The following IL1RAPL1 variants were observed in gnomAD, a reference collection of about 807,000 sequenced individuals.
IL1RAPL1 encodes interleukin-1 receptor accessory protein-like 1.
Under a neutral mutation model 48.4 loss-of-function variants are expected in IL1RAPL1, and 3 were observed. The observed-to-expected ratio is 0.06, with a 90% confidence interval of 0.03 to 0.16. IL1RAPL1 has a LOEUF of 0.16. Among genes scored for constraint, IL1RAPL1 ranks in the 10% least tolerant of loss-of-function variants. The pLI, the probability that IL1RAPL1 is intolerant of heterozygous loss-of-function variation, is 1.00. For missense variants in IL1RAPL1, 349 were observed against 530.6 expected, an observed-to-expected ratio of 0.66 and a Z score of 3.36; for synonymous variants, 185 against 187.7, an observed-to-expected ratio of 0.99 and a Z score of 0.12.
intron 2 of IL1RAPL1, among the ~76,000 whole-genome samples, chrX:28,988,827 G>A (rs1225345348): frequency 2.7e-5 from 3 of 111,755 alleles, no homozygotes; most frequent in Non-Finnish European, 5.6e-5. Context: ...ACACATGATT[G>A]TTGTATCATC....
intron 6 of IL1RAPL1, among the ~76,000 whole-genome samples, chrX:29,790,286 T>A (rs754604870): frequency 1.8e-5 from 2 of 111,955 alleles, no homozygotes; most frequent in South Asian, 7.5e-4. Flanking sequence ...TTTGTGTAGG[T>A]TTATGTCCTT....
At chrX:29,438,961 T>C (rs1272155530) in intron 5 of IL1RAPL1, among the ~76,000 whole-genome samples, 1 of 110,774 alleles carries the variant, frequency 9.0e-6, no homozygotes, top group Non-Finnish European at 1.9e-5. Flanking sequence ...AGTTGGTGCT[T>C]ATGAAGGGTT....
chrX:29,579,231 G>A (rs1922879380), intron 5 of IL1RAPL1, among the ~76,000 whole-genome samples: 1 of 112,009 alleles, frequency 8.9e-6, no homozygotes, highest in Admixed American at 9.5e-5. Context: ...GATGAGAGTT[G>A]CTTCAAAGCG....
At chrX:29,516,467 A>G (rs1250068146) in intron 5 of IL1RAPL1, among the ~76,000 whole-genome samples, 2 of 111,278 alleles carry the variant, frequency 1.8e-5, no homozygotes, top group African/African-American at 6.5e-5. Context: ...TTTGGAGGTC[A>G]CCACTATTCT....
At chrX:29,137,107 ACGGCTTACTGCTTACCT>A (rs1929144259) in intron 2 of IL1RAPL1, among the ~76,000 whole-genome samples, 2 of 109,488 alleles carry the variant, frequency 1.8e-5, no homozygotes, top group Non-Finnish European at 3.8e-5. Context: ...CCTATTTTAG[ACGGCTTACTGCTTACCT>A]TGGCCTCAGC....
At chrX:28,948,226 T>C (rs1421207458) in intron 2 of IL1RAPL1, among the ~76,000 whole-genome samples, 1 of 111,812 alleles carries the variant, frequency 8.9e-6, no homozygotes, top group African/African-American at 3.2e-5. Flanking sequence ...AGTTATTATG[T>C]AAAATTATTT....
At chrX:28,656,879 A>C (rs1048663552) in intron 1 of IL1RAPL1, among the ~76,000 whole-genome samples, 7 of 108,655 alleles carry the variant, frequency 6.4e-5, no homozygotes, top group Non-Finnish European at 1.3e-4. Context: ...ACAAAAAATT[A>C]GCCGGGCGTG....
At chrX:29,128,583 T>C (rs1057234030) in intron 2 of IL1RAPL1, among the ~76,000 whole-genome samples, 11 of 111,526 alleles carry the variant, frequency 9.9e-5, no homozygotes, top group East Asian at 5.6e-4. Flanking sequence ...CATGAGTGGT[T>C]TAACAGCTCT....
chrX:29,177,405 G>T, intron 2 of IL1RAPL1, among the ~76,000 whole-genome samples: 1 of 111,715 alleles, frequency 9.0e-6, no homozygotes. Context: ...GTCTCCAGCT[G>T]AATAGACCTA....
chrX:29,764,331 C>T (rs761648960), intron 6 of IL1RAPL1, among the ~76,000 whole-genome samples: 2 of 111,312 alleles, frequency 1.8e-5, no homozygotes, highest in African/African-American at 3.3e-5. Flanking sequence ...GATATGCAGA[C>T]GATTGCTTTA....
intron 2 of IL1RAPL1, among the ~76,000 whole-genome samples, chrX:28,992,244 A>G (rs1229718797): frequency 1.8e-5 from 2 of 111,453 alleles, no homozygotes; most frequent in Admixed American, 9.6e-5. Context: ...TAATCCTAGC[A>G]CTTTGGGAGG....
At chrX:29,712,650 G>T (rs1927384020) in intron 6 of IL1RAPL1, among the ~76,000 whole-genome samples, 1 of 111,904 alleles carries the variant, frequency 8.9e-6, no homozygotes. Context: ...TTATGACTAT[G>T]TAGCCCATAT....
intron 2 of IL1RAPL1, among the ~76,000 whole-genome samples, chrX:29,237,183 G>A (rs775102976): frequency 1.8e-5 from 2 of 111,720 alleles, no homozygotes; most frequent in South Asian, 3.8e-4. Context: ...CTGTCAAAAC[G>A]AACATAACCT....
chrX:29,413,072 G>A (rs923346352), intron 5 of IL1RAPL1, among the ~76,000 whole-genome samples: 1 of 111,250 alleles, frequency 9.0e-6, no homozygotes. Context: ...TCATGGGGGC[G>A]GGTCTTTGCC....
At chrX:28,725,745 A>G (rs1935665984) in intron 1 of IL1RAPL1, among the ~76,000 whole-genome samples, 1 of 112,641 alleles carries the variant, frequency 8.9e-6, no homozygotes, top group Admixed American at 9.4e-5. Flanking sequence ...GATAATTCTA[A>G]TAATAAATCA....
chrX:28,676,175 TATG>T (rs1305355734), intron 1 of IL1RAPL1, among the ~76,000 whole-genome samples: 2 of 111,723 alleles, frequency 1.8e-5, no homozygotes, highest in Non-Finnish European at 1.9e-5. Flanking sequence ...TAATCTACGA[TATG>T]ATCATTTTAT....
intron 3 of IL1RAPL1, among the ~76,000 whole-genome samples, chrX:29,344,986 C>T (rs1200467246): frequency 8.0e-5 from 9 of 112,811 alleles, no homozygotes; most frequent in Non-Finnish European, 1.1e-4. Context: ...TTAATGGAAA[C>T]TTGATGGATT....
At position 29,385,714 on chromosome X, in the gene IL1RAPL1, A is replaced by G. The variant is rs1345258345; in HGVS notation, c.363-10544A>G. Among the ~76,000 whole-genome samples the G allele has an allele frequency of 4.4e-5, 5 of 112,696 alleles. No homozygotes were observed. In the Admixed American group the frequency reaches 4.7e-4, roughly 11 times the overall value. On this transcript the variant is annotated intron_variant, in intron 3 of 10. Transcript: ENST00000378993. The stretch of plus-strand genomic sequence containing the variant: ...CTTTTTAAGTCTGAATAACATTCCT[A>G]TTGTATGCATATACCACACTTTTTA...
chrX:29,067,447 C>T (rs752426298), intron 2 of IL1RAPL1, among the ~76,000 whole-genome samples: 16 of 112,185 alleles, frequency 1.4e-4, no homozygotes, highest in Non-Finnish European at 3.0e-4. Flanking sequence ...AAAATATTCC[C>T]TCATTGTTAA....
Sources: allele counts gnomAD v4.1 joint callset (sites outside exome capture counted in the v4.1 genomes callset), GRCh38; gene constraint gnomAD v4.1.1; transcripts MANE v1.5; gene names NCBI Gene and HGNC (gene_info 2026-07-23, HGNC 2026-07-21).